Variants in FANCL observed in about 807,000 individuals in gnomAD.
FANCL encodes the protein E3 ubiquitin-protein ligase FANCL.
FANCL carries 69 observed loss-of-function variants against 59.4 expected under a neutral mutation model. That is an observed-to-expected ratio of 1.16 (90% CI 0.96 to 1.42). The LOEUF is 1.42. Ranked by LOEUF, FANCL falls within the 40% of genes most tolerant of loss-of-function variation. The pLI is 0.00. For synonymous variants in FANCL, 180 were observed against 147.1 expected (o/e 1.22, Z -1.62); for missense variants, 519 against 447.2 (o/e 1.16, Z -1.45).
chr2:58,171,981 G>T (rs1041181071), intron 7 of FANCL, among the ~76,000 whole-genome samples: 1 of 152,206 alleles, frequency 6.6e-6, no homozygotes, highest in African/African-American at 2.4e-5. Flanking sequence ...CTACGCCCAC[G>T]GAGCCTCCTT....
chr2:58,212,890 T>C (rs772261201), intron 5 of FANCL, among the ~76,000 whole-genome samples: 4 of 152,208 alleles, frequency 2.6e-5, no homozygotes, highest in Non-Finnish European at 2.9e-5. Flanking sequence ...CAACTACTAA[T>C]TCTCAATATT....
At chr2:58,192,565 A>G (rs1443454993) in intron 7 of FANCL, among the ~76,000 whole-genome samples, 1 of 152,034 alleles carries the variant, frequency 6.6e-6, no homozygotes, top group African/African-American at 2.4e-5. Flanking sequence ...ATATCTACAT[A>G]GGATACAAAT....
chr2:58,224,851 G>A (rs1034544897), intron 4 of FANCL, among the ~76,000 whole-genome samples: 1 of 151,878 alleles, frequency 6.6e-6, no homozygotes, highest in Non-Finnish European at 1.5e-5. Context: ...AATTTGAATT[G>A]TAAATATCAA....
intron 5 of FANCL, among the ~76,000 whole-genome samples, chr2:58,213,976 T>C (rs1691449648): frequency 6.6e-6 from 1 of 152,322 alleles, no homozygotes; most frequent in East Asian, 1.9e-4. Flanking sequence ...CTAGGGAGCA[T>C]CATTCACACA....
chr2:58,213,654 A>G (rs892490810), intron 5 of FANCL: 6 of 151,394 alleles, frequency 4.0e-5, no homozygotes, highest in African/African-American at 1.5e-4. Context: ...CAGGAGAATC[A>G]TTTCAGCCCA....
At chr2:58,224,655 T>C (rs537500321) in intron 4 of FANCL, among the ~76,000 whole-genome samples, 4 of 151,906 alleles carry the variant, frequency 2.6e-5, no homozygotes, top group African/African-American at 9.6e-5. Flanking sequence ...ATCAAAACTT[T>C]CCATTGTTAG....
intron 1 of FANCL, among the ~76,000 whole-genome samples, chr2:58,235,596 C>T (rs2110664): frequency 6.6e-6 from 1 of 151,824 alleles, no homozygotes; most frequent in Non-Finnish European, 1.5e-5. Context: ...CAACAGGTAG[C>T]ATTCATTATG....
intron 4 of FANCL, among the ~76,000 whole-genome samples, chr2:58,222,694 A>C (rs977357288): frequency 6.6e-6 from 1 of 152,098 alleles, no homozygotes; most frequent in African/African-American, 2.4e-5. Flanking sequence ...CAAGACACAT[A>C]AACATCACTA....
chr2:58,212,487 A>G (rs892833531), intron 5 of FANCL, among the ~76,000 whole-genome samples: 1 of 152,182 alleles, frequency 6.6e-6, no homozygotes, highest in Non-Finnish European at 1.5e-5. Flanking sequence ...GACATATTTG[A>G]GACTGACAGG....
At chr2:58,227,554 C>G (rs942349663) in intron 3 of FANCL, among the ~76,000 whole-genome samples, 32 of 152,272 alleles carry the variant, frequency 2.1e-4, no homozygotes, top group African/African-American at 7.7e-4. Context: ...AATGGCCTGC[C>G]GGCATGCTGA....
intron 7 of FANCL, among the ~76,000 whole-genome samples, chr2:58,175,847 C>G (rs1338864654): frequency 2.6e-5 from 4 of 151,720 alleles, no homozygotes; most frequent in African/African-American, 9.7e-5. Flanking sequence ...CAAATTGTCC[C>G]TGTTTGCAGA....
intron 7 of FANCL, among the ~76,000 whole-genome samples, chr2:58,193,863 C>CTGTATATG (rs1689173472): frequency 6.6e-6 from 1 of 152,080 alleles, no homozygotes. Flanking sequence ...ACAGTACATA[C>CTGTATATG]GAACTGAGGC....
intron 5 of FANCL, among the ~76,000 whole-genome samples, chr2:58,208,112 A>G (rs900680744): frequency 3.3e-5 from 5 of 152,160 alleles, no homozygotes; most frequent in Admixed American, 6.6e-5. Flanking sequence ...GACAACAGGA[A>G]ATAAATAACT....
intron 7 of FANCL, among the ~76,000 whole-genome samples, chr2:58,171,748 G>C (rs1686644359): frequency 6.6e-6 from 1 of 152,218 alleles, no homozygotes; most frequent in African/African-American, 2.4e-5. Context: ...GTGCCAGACA[G>C]TGGGCGCAAG....
chr2:58,214,574 T>C (rs972017804), intron 5 of FANCL, among the ~76,000 whole-genome samples: 4 of 152,128 alleles, frequency 2.6e-5, no homozygotes, highest in Non-Finnish European at 2.9e-5. Flanking sequence ...AGTGGTGTGA[T>C]CTCAGCTCCC....
intron 7 of FANCL, among the ~76,000 whole-genome samples, chr2:58,176,216 A>G (rs1027129566): frequency 3.3e-5 from 5 of 152,220 alleles, no homozygotes; most frequent in African/African-American, 9.7e-5. Context: ...AACGTACTTT[A>G]TAGATTCAAT....
At chr2:58,218,305 A>G (rs1692044757) in intron 5 of FANCL, among the ~76,000 whole-genome samples, 1 of 151,960 alleles carries the variant, frequency 6.6e-6, no homozygotes, top group South Asian at 2.1e-4. Context: ...TAATAAGCAG[A>G]TATTAATGAT....
At chr2:58,231,957 A>T in intron 2 of FANCL, 97 bp downstream of exon 2, 2 of 994,802 alleles carry the variant, frequency 2.0e-6, no homozygotes, top group Non-Finnish European at 1.6e-6. Flanking sequence ...TAAGCATTTT[A>T]GGCAAAACTC....
intron 5 of FANCL, among the ~76,000 whole-genome samples, chr2:58,221,488 A>C (rs1189155535): frequency 6.6e-6 from 1 of 152,160 alleles, no homozygotes; most frequent in Non-Finnish European, 1.5e-5. Context: ...TACAAACCCT[A>C]GTTGCTAAAA....
Sources: gnomAD v4.1 joint callset for allele counts (sites outside exome capture counted in the v4.1 genomes callset) on GRCh38, gnomAD v4.1.1 for gene constraint, MANE v1.5 for transcripts, NCBI Gene and HGNC (gene_info 2026-07-23, HGNC 2026-07-21) for gene names.